Variants in PARL observed in about 807,000 individuals in gnomAD.
The protein encoded by PARL is presenilin-associated rhomboid-like protein, mitochondrial.
PARL carries 44 observed loss-of-function variants against 51.6 expected under a neutral mutation model. The observed-to-expected ratio is 0.85, with a 90% CI of 0.67 to 1.10. The LOEUF (loss-of-function observed/expected upper bound fraction) is 1.10. Among genes scored for constraint, PARL ranks in the 50% least tolerant of loss-of-function variants. PARL has a pLI of 0.00. For missense variants in PARL, 441 were observed against 469.5 expected (o/e 0.94, Z 0.56); for synonymous variants, 172 against 164.0 (o/e 1.05, Z -0.37).
At chr3:183,868,095 A>G (rs953419) in intron 1 of PARL, 35 bp from the exon 2 acceptor site, 307,411 of 1,487,720 alleles carry the variant, frequency 0.21, 34,617 homozygotes, top group East Asian at 0.46. Flanking sequence ...GAAACACAGT[A>G]GCGTCTTGCA....
chr3:183,878,239 A>G (rs1443052957), intron 1 of PARL, among the ~76,000 whole-genome samples: 1 of 152,100 alleles, frequency 6.6e-6, no homozygotes, highest in African/African-American at 2.4e-5. Flanking sequence ...TTCTACCATG[A>G]CAGAGGGAGT....
chr3:183,842,232 T>G, intron 6 of PARL, 66 bp downstream of exon 6: 1 of 1,446,658 alleles, frequency 6.9e-7, no homozygotes, highest in Non-Finnish European at 9.7e-7. Context: ...ATCATTCCCT[T>G]TGTCCGTTCT....
chr3:183,877,731 C>A (rs993638520), intron 1 of PARL, among the ~76,000 whole-genome samples: 1 of 152,000 alleles, frequency 6.6e-6, no homozygotes, highest in East Asian at 1.9e-4. Flanking sequence ...AGTAATAAAG[C>A]ATTTTAAAAT....
rs372256422 is a variant in PARL at position 183,866,605 on chromosome 3, A to G, written c.462+20T>C. On this transcript the variant is annotated intron_variant, in intron 3 of 9. Coordinates refer to ENST00000317096, the MANE Select transcript of PARL (RefSeq NM_018622.7). ...AAAACCGTGATTAACTAGAAGAAAG[A>G]AAGCAGTGTTTATCTTTACCTCCTT... is the stretch of plus-strand genomic sequence containing the variant. 4 of 1,605,426 alleles carry G rather than the reference A, an allele frequency of 2.5e-6. No individual in the cohort carries two copies. The highest frequency in any genetic ancestry group is 3.4e-6 in the Non-Finnish European group (4 of 1,174,286).
At chr3:183,827,354 G>A (rs1727492602), downstream of PARL, among the ~76,000 whole-genome samples, 1 of 152,078 alleles carries the variant, frequency 6.6e-6, no homozygotes, top group Non-Finnish European at 1.5e-5. Flanking sequence ...CTTGGAGGCT[G>A]AGGCTTGAGC....
At chr3:183,835,499 G>A (rs975804200) in intron 7 of PARL, among the ~76,000 whole-genome samples, 1 of 152,186 alleles carries the variant, frequency 6.6e-6, no homozygotes, top group African/African-American at 2.4e-5. Context: ...CAAGATGGAA[G>A]GACAGCATGA....
chr3:183,883,752 T>C, intron 1 of PARL: 1 of 953,082 alleles, frequency 1.0e-6, no homozygotes, highest in Non-Finnish European at 1.2e-6. Context: ...TCACCTGGAA[T>C]GCTTGTCGGA....
chr3:183,876,647 AAAAG>A (rs147502435), intron 1 of PARL, among the ~76,000 whole-genome samples: 64,973 of 136,874 alleles, frequency 0.47, 16,237 homozygotes, highest in Middle Eastern at 0.57. Flanking sequence ...AAGAAAAAGA[AAAAG>A]AAAGAAAGAA....
At chr3:183,848,366 C>A (rs11719956) in intron 4 of PARL, among the ~76,000 whole-genome samples, 1 of 152,140 alleles carries the variant, frequency 6.6e-6, no homozygotes, top group African/African-American at 2.4e-5. Flanking sequence ...CTCAGCCTCC[C>A]GAGTAGCTGG....
At chr3:183,860,592 A>AG (rs2108659532) in intron 4 of PARL, among the ~76,000 whole-genome samples, 2 of 152,308 alleles carry the variant, frequency 1.3e-5, no homozygotes, top group South Asian at 4.1e-4. Flanking sequence ...GAAAAAGACT[A>AG]GGGGGAAAGA....
intron 1 of PARL, among the ~76,000 whole-genome samples, chr3:183,875,330 G>A (rs1733668647): frequency 6.9e-6 from 1 of 144,482 alleles, no homozygotes; most frequent in African/African-American, 2.6e-5. Flanking sequence ...CAGGAGAATC[G>A]CTTGAACCTG....
At chr3:183,827,267 C>G (rs567546856), downstream of PARL, among the ~76,000 whole-genome samples, 7 of 152,062 alleles carry the variant, frequency 4.6e-5, no homozygotes, top group African/African-American at 1.7e-4. Context: ...GCCTGGGCAA[C>G]ACAGTGAGAC....
At position 183,840,631 on chromosome 3, in the gene PARL, G is replaced by T; in HGVS notation, c.767C>A (p.Ser256Tyr). Reference protein sequence around the residue: ...MAVYLSAGVISNFVSYVGKVA... With the variant: ...MAVYLSAGVIYNFVSYVGKVA... ...TTTACCCACGTAACTGACAAAATTG[G>T]AAATAACACCTGAAAAACAAGTCAC... The change falls in exon 7 of 10, where the codon TCC (serine) becomes TAC (tyrosine). Residue 256 changes from serine to tyrosine, a missense_variant. Coordinates refer to ENST00000317096, the MANE Select transcript of PARL (RefSeq NM_018622.7). 1 of 1,524,170 alleles carries T rather than the reference G, an allele frequency of 6.6e-7. No homozygotes were observed. The highest frequency in any genetic ancestry group is 9.1e-7 in the Non-Finnish European group (1 of 1,104,372). 94.4% of individuals were successfully genotyped at this position (1,524,170 alleles called of 1,614,324 possible). A position where few individuals can be genotyped will look rare whatever the true frequency, so the allele number is the denominator to read the frequency against.
At chr3:183,872,554 C>T (rs563869301) in intron 1 of PARL, among the ~76,000 whole-genome samples, 1 of 152,278 alleles carries the variant, frequency 6.6e-6, no homozygotes, top group Admixed American at 6.5e-5. Context: ...CCCTTCAGAG[C>T]CTGTTACCAG....
chr3:183,876,172 G>A (rs1034974214), intron 1 of PARL, among the ~76,000 whole-genome samples: 4 of 152,056 alleles, frequency 2.6e-5, no homozygotes, highest in Non-Finnish European at 4.4e-5. Context: ...TCAACCCTCC[G>A]AGCAGCTGGG....
intron 4 of PARL, among the ~76,000 whole-genome samples, chr3:183,851,284 A>G (rs980916648): frequency 6.6e-6 from 1 of 152,242 alleles, no homozygotes; most frequent in African/African-American, 2.4e-5. Context: ...ACAAGCAACA[A>G]AAGAAAAAAA....
chr3:183,838,681 AG>A (rs1480738413), intron 7 of PARL, among the ~76,000 whole-genome samples: 1 of 152,214 alleles, frequency 6.6e-6, no homozygotes, highest in Non-Finnish European at 1.5e-5. Flanking sequence ...AGAGAAGTTC[AG>A]TAATATGTCC....
At chr3:183,834,444 G>T (rs1210400661) in intron 7 of PARL, among the ~76,000 whole-genome samples, 1 of 152,144 alleles carries the variant, frequency 6.6e-6, no homozygotes, top group African/African-American at 2.4e-5. Context: ...CTGATACACA[G>T]AACATGGATG....
At chr3:183,833,412 GGGGGGTA>G in intron 9 of PARL, 73 bp downstream of exon 9, 1 of 855,222 alleles carries the variant, frequency 1.2e-6, no homozygotes, top group Non-Finnish European at 2.0e-6. Flanking sequence ...CCATGGGGAT[GGGGGGTA>G]GGGGTGAGGC....
Sources: gnomAD v4.1 joint callset for allele counts (sites outside exome capture counted in the v4.1 genomes callset) on GRCh38, gnomAD v4.1.1 for gene constraint, MANE v1.5 for transcripts, NCBI Gene and HGNC (gene_info 2026-07-23, HGNC 2026-07-21) for gene names.